Variants in KSR2 observed in about 807,000 individuals in gnomAD.
KSR2 encodes the protein kinase suppressor of ras 2.
In KSR2, 25 loss-of-function variants were observed where a neutral mutation model predicts 107.8. The ratio of observed to expected loss-of-function variants is 0.23; its 90% CI spans 0.17 to 0.32. The LOEUF is 0.32. Ranked by LOEUF, KSR2 falls within the 10% of genes least tolerant of loss-of-function variation. The pLI is 1.00. For synonymous variants in KSR2, 480 were observed against 507.0 expected (o/e 0.95, Z 0.71); for missense variants, 887 against 1,268.9 (o/e 0.70, Z 4.57).
intron 3 of KSR2, among the ~76,000 whole-genome samples, chr12:117,807,771 C>T (rs1240219525): frequency 2.6e-5 from 4 of 152,210 alleles, no homozygotes; most frequent in South Asian, 4.1e-4. Context: ...GTGATTCCTG[C>T]ACCTCAAAAA....
intron 3 of KSR2, among the ~76,000 whole-genome samples, chr12:117,787,632 C>CAAA (rs1012017783): frequency 6.9e-6 from 1 of 144,652 alleles, no homozygotes; most frequent in African/African-American, 2.5e-5. Context: ...GACTCCATCT[C>CAAA]AAAAAAAAAA....
At chr12:117,762,368 T>C (rs1234280437) in intron 3 of KSR2, among the ~76,000 whole-genome samples, 8 of 152,220 alleles carry the variant, frequency 5.3e-5, no homozygotes, top group Admixed American at 5.2e-4. Flanking sequence ...CATGTTCTTA[T>C]TCATGCATTT....
At chr12:117,845,078 G>T (rs897831637) in intron 3 of KSR2, among the ~76,000 whole-genome samples, 4 of 152,116 alleles carry the variant, frequency 2.6e-5, no homozygotes, top group African/African-American at 9.7e-5. Context: ...CCCGGGAGGC[G>T]GAGCGTGCAT....
At chr12:117,515,575 G>T (rs1229360738) in intron 14 of KSR2, among the ~76,000 whole-genome samples, 1 of 152,188 alleles carries the variant, frequency 6.6e-6, no homozygotes, top group Non-Finnish European at 1.5e-5. Context: ...AAAAGTAAGT[G>T]AGCAAACATA....
intron 1 of KSR2, among the ~76,000 whole-genome samples, chr12:117,911,665 TGATCAGAAACTTAACTCCTTGAGG>T (rs1171888855): frequency 1.6e-4 from 24 of 152,232 alleles, no homozygotes; most frequent in Admixed American, 1.4e-3. Context: ...GCCCATGTCC[TGATCAGAAACTTAACTCCTTGAGG>T]GCAAGACCCA....
At chr12:117,523,366 T>C (rs925195757) in intron 14 of KSR2, among the ~76,000 whole-genome samples, 4 of 152,160 alleles carry the variant, frequency 2.6e-5, no homozygotes, top group African/African-American at 7.2e-5. Flanking sequence ...AACAGCCCCT[T>C]GGCATCACAG....
chr12:117,963,093 G>T (rs1415707357), intron 1 of KSR2, among the ~76,000 whole-genome samples: 1 of 151,948 alleles, frequency 6.6e-6, no homozygotes, highest in Non-Finnish European at 1.5e-5. Context: ...AGGAGGCCGA[G>T]ACAGGAGAAT....
At chr12:117,647,861 C>A (rs149788551) in intron 5 of KSR2, among the ~76,000 whole-genome samples, 1 of 152,108 alleles carries the variant, frequency 6.6e-6, no homozygotes, top group Non-Finnish European at 1.5e-5. Context: ...CACACCACCA[C>A]GTCTGGCTTT....
intron 6 of KSR2, among the ~76,000 whole-genome samples, chr12:117,580,112 G>C (rs1268095201): frequency 6.6e-6 from 1 of 152,182 alleles, no homozygotes; most frequent in Admixed American, 6.5e-5. Flanking sequence ...AAGTGGTTAT[G>C]TAACTTGGAG....
intron 1 of KSR2, among the ~76,000 whole-genome samples, chr12:117,929,357 A>G (rs1298930249): frequency 6.6e-6 from 1 of 152,184 alleles, no homozygotes; most frequent in African/African-American, 2.4e-5. Flanking sequence ...AATAAGTCTT[A>G]CAAGATCTGA....
chr12:117,678,021 G>A (rs1229007572), intron 4 of KSR2, among the ~76,000 whole-genome samples: 1 of 151,766 alleles, frequency 6.6e-6, no homozygotes, highest in African/African-American at 2.4e-5. Flanking sequence ...TACAACCTCC[G>A]CCTCATGGGT....
chr12:117,668,680 G>A (rs1267677805), intron 4 of KSR2, among the ~76,000 whole-genome samples: 1 of 152,158 alleles, frequency 6.6e-6, no homozygotes, highest in Non-Finnish European at 1.5e-5. Context: ...GAGAATTGTG[G>A]AGAGGATTTA....
At chr12:117,811,969 G>A (rs1009147845) in intron 3 of KSR2, among the ~76,000 whole-genome samples, 2 of 152,222 alleles carry the variant, frequency 1.3e-5, no homozygotes, top group African/African-American at 2.4e-5. Flanking sequence ...CCTTCAGCAG[G>A]CCAGCTGAGA....
chr12:117,796,116 T>TGG (rs144476901), intron 3 of KSR2, among the ~76,000 whole-genome samples: 1,711 of 152,052 alleles, frequency 0.011, 34 homozygotes, highest in African/African-American at 0.039. Flanking sequence ...TTTGTAGAGA[T>TGG]GGGGGAGTCT....
At chr12:117,657,078 C>A (rs1456737898) in intron 5 of KSR2, among the ~76,000 whole-genome samples, 2 of 148,576 alleles carry the variant, frequency 1.3e-5, no homozygotes, top group African/African-American at 5.0e-5. Context: ...CATTTCTAAG[C>A]CCATAGCTTA....
chr12:117,665,556 T>C (rs897477575), intron 5 of KSR2, among the ~76,000 whole-genome samples: 4 of 151,954 alleles, frequency 2.6e-5, no homozygotes, highest in Non-Finnish European at 5.9e-5. Flanking sequence ...CATGGGGAAG[T>C]GGGGAGGGGA....
intron 7 of KSR2, among the ~76,000 whole-genome samples, chr12:117,574,008 G>A (rs556866574): frequency 3.9e-5 from 6 of 152,216 alleles, no homozygotes; most frequent in East Asian, 3.9e-4. Context: ...GAAATGTCCC[G>A]CTGGGCAATA....
chr12:117,755,563 C>T (rs929707887), intron 4 of KSR2, among the ~76,000 whole-genome samples: 1 of 152,204 alleles, frequency 6.6e-6, no homozygotes, highest in African/African-American at 2.4e-5. Flanking sequence ...GCTCCACTAA[C>T]AGGCTATTCC....
rs761063521 is a variant in KSR2 at position 117,968,891 on chromosome 12, C to CGCTGCTGCTGCT, written c.-648_-637dup. On this transcript the variant is annotated 5_prime_UTR_variant, in exon 1 of 20. Transcript: ENST00000339824. The stretch of plus-strand genomic sequence containing the variant: ...GCGGCTGGCTGCTGTCTCCTCCCCG[C>CGCTGCTGCTGCT]GCTGCTGCTGCTGCTGCTGCTGCCG... 1 of 247,492 alleles carries CGCTGCTGCTGCT rather than the reference C, an allele frequency of 4.0e-6. No homozygotes were observed. The highest frequency in any genetic ancestry group is 8.0e-6 in the Non-Finnish European group (1 of 124,368). 15.3% of individuals were successfully genotyped at this position (247,492 alleles called of 1,614,324 possible).
Sources: gnomAD v4.1 joint callset for allele counts (sites outside exome capture counted in the v4.1 genomes callset) on GRCh38, gnomAD v4.1.1 for gene constraint, MANE v1.5 for transcripts, NCBI Gene and HGNC (gene_info 2026-07-23, HGNC 2026-07-21) for gene names.